Variants in MAP2K3 observed in about 807,000 individuals in gnomAD.
MAP2K3 encodes the protein mitogen-activated protein kinase kinase 3.
Under a neutral mutation model 46.4 loss-of-function variants are expected in MAP2K3, and 30 were observed. That is an observed-to-expected ratio of 0.65 (90% CI 0.48 to 0.88). MAP2K3 has a LOEUF of 0.88. Ranked by LOEUF, MAP2K3 falls within the 40% of genes least tolerant of loss-of-function variation. The pLI is 0.00. For missense variants in MAP2K3, 380 were observed against 464.5 expected, an observed-to-expected ratio of 0.82 and a Z score of 1.67; for synonymous variants, 189 against 176.3, an observed-to-expected ratio of 1.07 and a Z score of -0.57.
intron 9 of MAP2K3, among the ~76,000 whole-genome samples, chr17:21,309,152 C>T (rs1214142119): frequency 6.6e-6 from 1 of 152,312 alleles, no homozygotes; most frequent in Non-Finnish European, 1.5e-5. Context: ...TCACATTGGC[C>T]TGCTCCCTGG....
At chr17:21,293,282 C>G (rs80219129) in intron 1 of MAP2K3, among the ~76,000 whole-genome samples, 1 of 152,304 alleles carries the variant, frequency 6.6e-6, no homozygotes, top group Non-Finnish European at 1.5e-5. Flanking sequence ...CCTTGTGCCC[C>G]AGCCACTCTG....
At chr17:21,289,720 G>T (rs375889170) in intron 1 of MAP2K3, among the ~76,000 whole-genome samples, 1 of 152,226 alleles carries the variant, frequency 6.6e-6, no homozygotes, top group South Asian at 2.1e-4. Context: ...GCCATACAGG[G>T]CCAGGGGAGG....
intron 5 of MAP2K3, 91 bp from the exon 6 acceptor site, chr17:21,302,052 T>A (rs1405379815): frequency 3.2e-3 from 8 of 2,474 alleles, no homozygotes; most frequent in Non-Finnish European, 3.5e-3. Context: ...GAGAGGGGGC[T>A]GGGGCTGGGG....
intron 1 of MAP2K3, chr17:21,295,772 G>A (rs1976209026): frequency 3.9e-6 from 5 of 1,289,522 alleles, no homozygotes; most frequent in Non-Finnish European, 5.1e-6. Flanking sequence ...CTTGACAGGT[G>A]GGGAAACTGA....
At position 21,290,774 on chromosome 17, in the gene MAP2K3, A is replaced by T. The variant is rs545941604; in HGVS notation, c.49+5805A>T. The stretch of plus-strand genomic sequence containing the variant: ...CAACCAGCCTGGGCAACATAGGGAG[A>T]GCTCATCTCTACAAAAAACATAAAA... On this transcript the variant is annotated intron_variant, in intron 1 of 11. Transcript: ENST00000342679. Among the ~76,000 whole-genome samples the T allele has an allele frequency of 1.0e-4, 16 of 152,414 alleles. No individual in the cohort carries two copies. The South Asian group carries it at 3.1e-3, about 30-fold the overall frequency.
intron 9 of MAP2K3, among the ~76,000 whole-genome samples, chr17:21,309,893 T>C (rs1977081782): frequency 6.6e-6 from 1 of 151,926 alleles, no homozygotes; most frequent in South Asian, 2.1e-4. Context: ...TGTGAGCCAC[T>C]GCGCCTGGCC....
intron 10 of MAP2K3, among the ~76,000 whole-genome samples, chr17:21,312,517 A>G (rs1245042479): frequency 6.6e-6 from 1 of 152,230 alleles, no homozygotes; most frequent in Non-Finnish European, 1.5e-5. Flanking sequence ...ACTGAAAAAG[A>G]GAACAAAGTA....
rs1977289099 is a variant in MAP2K3 at position 21,314,008 on chromosome 17, C to T, written c.961-139C>T. The T allele has an allele frequency of 1.1e-5, 8 of 703,464 alleles. 1 individual carries two copies. Among genetic ancestry groups the T allele is most frequent in the South Asian group, 8.0e-5 (5 of 62,820 alleles). 43.6% of individuals were successfully genotyped at this position (703,464 alleles called of 1,614,324 possible). On this transcript the variant is annotated intron_variant, in intron 11 of 11. Transcript: ENST00000342679. ...CATCTGTGACAGTCATGGAGGGCCT[C>T]CTGGGGGTGGAGGTCCTAGAAGGAT...
chr17:21,311,582 C>CA (rs1977161988), intron 9 of MAP2K3: 1 of 152,172 alleles, frequency 6.6e-6, no homozygotes, highest in South Asian at 2.1e-4. Flanking sequence ...CATGGTCTCA[C>CA]ACTCTGTCCG....
At position 21,314,312 on chromosome 17, in the gene MAP2K3, C is replaced by G; in HGVS notation, c.*82C>G. 1 of 1,232,234 alleles carries G rather than the reference C, an allele frequency of 8.1e-7. No individual in the cohort carries two copies. The highest frequency in any genetic ancestry group is 1.2e-6 in the Non-Finnish European group (1 of 841,236). The allele number at this position is 1,232,234 out of a possible 1,614,324, so 76.3% of individuals were successfully genotyped here. ...GGGCAGTGCTCACCCACACCATAAG[C>G]TACTGCCATCCTGGCCCAGGGCATC... On this transcript the variant is annotated 3_prime_UTR_variant, in exon 12 of 12. Coordinates refer to ENST00000342679, the MANE Select transcript of MAP2K3 (RefSeq NM_145109.3).
intron 1 of MAP2K3, among the ~76,000 whole-genome samples, chr17:21,292,134 T>C (rs1975972887): frequency 6.6e-6 from 1 of 151,914 alleles, no homozygotes; most frequent in Non-Finnish European, 1.5e-5. Flanking sequence ...GGACAGTCTC[T>C]GGGGCACCCT....
intron 1 of MAP2K3, among the ~76,000 whole-genome samples, chr17:21,296,505 G>T (rs1446193934): frequency 6.6e-6 from 1 of 152,428 alleles, no homozygotes; most frequent in African/African-American, 2.4e-5. Context: ...CCTCAGGGAG[G>T]GCTCCCTGTG....
At chr17:21,285,907 T>TC (rs1567654777) in intron 1 of MAP2K3, among the ~76,000 whole-genome samples, 1 of 151,896 alleles carries the variant, frequency 6.6e-6, no homozygotes, top group Non-Finnish European at 1.5e-5. Context: ...GAATTTTTTT[T>TC]TTTTCAGGAA....
Position 21,304,484 on chromosome 17 carries a change from T to C in MAP2K3, c.627T>C (p.Phe209=), listed in dbSNP as rs142837548. 3.7e-4 allele frequency: 603 copies of C among 1,613,740 alleles called. No individual in the cohort carries two copies. The African/African-American group carries it at 7.0e-3, about 19-fold the overall frequency. ...AGGGCCATGTGAAGATGTGTGACTT[T>C]GGCATCAGTGGCTACTTGGTGGACT... ...NKEGHVKMCD[F]GISGYLVDSV... The change falls in exon 8 of 12, where the codon TTT becomes TTC. Residue 209 remains phenylalanine, a synonymous_variant. Coordinates refer to ENST00000342679, the MANE Select transcript of MAP2K3 (RefSeq NM_145109.3).
rs2363189 is a variant in MAP2K3, at chr17:21,314,554, T to C, written c.*324T>C. ...ATGCTGCTGCCCCTGCACAGCAGGC[T>C]GCCAGTGCCTGGGTGGATGGGCCAC... On this transcript the variant is annotated 3_prime_UTR_variant, in exon 12 of 12. Transcript: ENST00000342679. 8.9e-6 allele frequency: 3 copies of C among 335,724 alleles called. No homozygotes were observed. The highest frequency in any genetic ancestry group is 1.7e-5 in the Non-Finnish European group (3 of 179,486). 20.8% of individuals were successfully genotyped at this position (335,724 alleles called of 1,614,324 possible).
In MAP2K3 at chr17:21,303,350, G is replaced by A. The variant is rs1024922753; in HGVS notation, c.568+116G>A. The A allele has an allele frequency of 5.6e-4, 792 of 1,426,870 alleles. No homozygotes were observed. The African/African-American group carries it at 9.7e-3, about 18-fold the overall frequency. 88.4% of individuals were successfully genotyped at this position (1,426,870 alleles called of 1,614,324 possible). On this transcript the variant is annotated intron_variant, in intron 7 of 11. Coordinates refer to ENST00000342679, the MANE Select transcript of MAP2K3 (RefSeq NM_145109.3). Reference sequence around the variant, plus strand: ...GCTCCGAGAGGTGATAGGTTGTGACGTGCCCGATGGGGTTCCAGCCGCTTT... The same window carrying A: ...GCTCCGAGAGGTGATAGGTTGTGACATGCCCGATGGGGTTCCAGCCGCTTT...
intron 10 of MAP2K3, among the ~76,000 whole-genome samples, chr17:21,312,691 C>A (rs1468741633): frequency 1.3e-5 from 2 of 151,970 alleles, no homozygotes; most frequent in Non-Finnish European, 2.9e-5. Flanking sequence ...CCGAGGCAGG[C>A]GGATCCCGAG....
chr17:21,298,262 C>T, intron 1 of MAP2K3, 151 bp from the exon 2 acceptor site: 2 of 1,120,908 alleles, frequency 1.8e-6, no homozygotes, highest in South Asian at 1.2e-5. Flanking sequence ...CCTTTGAAGG[C>T]CTAACGGCCT....
intron 9 of MAP2K3, among the ~76,000 whole-genome samples, chr17:21,307,845 CTTTTTTTTTTTTTTTTT>C (rs35690616): frequency 1.4e-3 from 151 of 104,802 alleles, no homozygotes; most frequent in Non-Finnish European, 2.0e-3. Context: ...GCCCGGCTAT[CTTTTTTTTTTTTTTTTT>C]TTTTTTTTTT....
Sources: gnomAD v4.1 joint callset for allele counts (sites outside exome capture counted in the v4.1 genomes callset) on GRCh38, gnomAD v4.1.1 for gene constraint, MANE v1.5 for transcripts, NCBI Gene and HGNC (gene_info 2026-07-23, HGNC 2026-07-21) for gene names.